BSN: variants seen among roughly 807,000 people sequenced by gnomAD.
The protein encoded by BSN is bassoon presynaptic cytomatrix protein.
In BSN, 57 loss-of-function variants were observed where a neutral mutation model predicts 264.8. The ratio of observed to expected loss-of-function variants is 0.22; its 90% CI spans 0.17 to 0.27. BSN has a LOEUF of 0.27. BSN is among the 10% of genes least tolerant of loss of function. BSN has a pLI of 1.00. For synonymous variants in BSN, 2,059 were observed against 2,137.3 expected, an observed-to-expected ratio of 0.96 and a Z score of 1.01; for missense variants, 4,615 against 5,232.5, an observed-to-expected ratio of 0.88 and a Z score of 3.64.
In BSN at chr3:49,650,993, A is replaced by G; in HGVS notation, c.1900A>G (p.Lys634Glu). ...PETTPTPATP[K>E]VKSGVRRAEP... ...GACTACCCCAACCCCTGCGACTCCTAAAGTAAAGAGTGGGGTGAGGAGGGC... is the reference window on the plus strand; with the variant it reads ...GACTACCCCAACCCCTGCGACTCCTGAAGTAAAGAGTGGGGTGAGGAGGGC... Residue 634 changes from lysine to glutamate, a missense_variant, in exon 4 of 12, where the codon AAA becomes GAA. Lys to Glu is a moderately conservative substitution (Grantham distance 56). This residue lies in a region of BSN where 1,197 missense variants were observed against 1,348.0 expected (regional missense o/e 0.89). Coordinates refer to ENST00000296452, the MANE Select transcript of BSN (RefSeq NM_003458.4). 1 of 1,614,078 alleles carries G rather than the reference A, an allele frequency of 6.2e-7. No homozygotes were observed. The highest frequency in any genetic ancestry group is 1.1e-5 in the South Asian group (1 of 91,078).
chr3:49,577,630 C>G (rs1163026591), intron 1 of BSN, among the ~76,000 whole-genome samples: 2 of 151,824 alleles, frequency 1.3e-5, no homozygotes, highest in Non-Finnish European at 2.9e-5. Context: ...ACCTCCACCT[C>G]CCAGGTTAAA....
At chr3:49,632,565 A>T (rs956417631) in intron 2 of BSN, among the ~76,000 whole-genome samples, 8 of 152,180 alleles carry the variant, frequency 5.3e-5, no homozygotes, top group Non-Finnish European at 5.9e-5. Context: ...GGACTTTGGG[A>T]GGCTCAGGCA....
chr3:49,662,139 G>A lies in BSN; in HGVS notation c.10294G>A (p.Glu3432Lys), dbSNP rs779423890. ...YYGMSSRDAV[E>K]DDRIYGGSSR... ...TGGGATGTCCAGCCGGGACGCAGTG[G>A]AGGACGACCGCATTTATGGCGGGAG... The change falls in exon 6 of 12, where the codon GAG (glutamate) becomes AAG (lysine). Residue 3432 changes from glutamate (E) to lysine (K), a missense_variant. Around this residue, in one of 3 missense-constraint regions of BSN, gnomAD observed 3,415 missense variants for 3,866.4 expected, o/e 0.88. Transcript: ENST00000296452. 4.3e-6 allele frequency: 7 copies of A among 1,613,544 alleles called. No individual in the cohort carries two copies. In the South Asian group the frequency reaches 7.7e-5, roughly 18 times the overall value.
intron 5 of BSN, among the ~76,000 whole-genome samples, chr3:49,659,770 T>TA (rs1482505207): frequency 6.6e-6 from 1 of 152,090 alleles, no homozygotes; most frequent in East Asian, 1.9e-4. Flanking sequence ...GGATAGGACT[T>TA]ACGGGTGCAC....
chr3:49,592,256 C>T (rs142654483), intron 1 of BSN, among the ~76,000 whole-genome samples: 3 of 151,492 alleles, frequency 2.0e-5, no homozygotes, highest in Non-Finnish European at 4.4e-5. Flanking sequence ...ATTACAGGCA[C>T]GCACCACCAT....
At chr3:49,584,498 T>G (rs920002253) in intron 1 of BSN, among the ~76,000 whole-genome samples, 15 of 152,130 alleles carry the variant, frequency 9.9e-5, no homozygotes, top group Non-Finnish European at 2.1e-4. Context: ...TTTCATTTTT[T>G]TGGGCACTTA....
intron 8 of BSN, 22 bp from the exon 9 acceptor site, chr3:49,664,401 A>G: frequency 6.2e-7 from 1 of 1,613,642 alleles, no homozygotes; most frequent in Non-Finnish European, 8.5e-7. Flanking sequence ...ATAGCTCATT[A>G]TGGCGATTTC....
chr3:49,591,214 C>T (rs945282174), intron 1 of BSN, among the ~76,000 whole-genome samples: 2 of 152,190 alleles, frequency 1.3e-5, no homozygotes, highest in Non-Finnish European at 2.9e-5. Context: ...TTCAATACAG[C>T]TTTGTTCCCA....
chr3:49,623,523 A>T (rs1238294819), intron 1 of BSN, among the ~76,000 whole-genome samples: 1 of 152,230 alleles, frequency 6.6e-6, no homozygotes, highest in Admixed American at 6.5e-5. Context: ...ACTACCCAAC[A>T]CTGTTGGCTC....
In BSN at chr3:49,653,047, C is replaced by G; in HGVS notation, c.3491C>G (p.Pro1164Arg). The G allele has an allele frequency of 6.2e-7, 1 of 1,613,584 alleles. No homozygotes were observed. Among genetic ancestry groups the G allele is most frequent in the Non-Finnish European group, 8.5e-7 (1 of 1,180,020 alleles). ...NLPTFMSLYS[P>R]TETPSGSSTT... Reference sequence around the variant, plus strand: ...CCCACCTTCATGTCCCTCTACTCACCAACCGAGACACCCTCCGGCAGCTCC... The same window carrying G: ...CCCACCTTCATGTCCCTCTACTCACGAACCGAGACACCCTCCGGCAGCTCC... The change falls in exon 5 of 12, where the codon CCA becomes CGA. Residue 1164 changes from proline to arginine, a missense_variant. This residue lies in a region of BSN where 3,415 missense variants were observed against 3,866.4 expected (regional missense o/e 0.88). Transcript: ENST00000296452. This position sits in a 1 kb window ranked among gnomAD's most constrained non-coding sequence, Gnocchi z 6.3.
At chr3:49,561,808 T>A (rs1212964674) in intron 1 of BSN, among the ~76,000 whole-genome samples, 2 of 152,112 alleles carry the variant, frequency 1.3e-5, no homozygotes, top group African/African-American at 4.8e-5. Context: ...TTGTTATTTT[T>A]TCTTTTCTTT....
chr3:49,622,796 G>A (rs1321453003), intron 1 of BSN, among the ~76,000 whole-genome samples: 1 of 152,180 alleles, frequency 6.6e-6, no homozygotes, highest in African/African-American at 2.4e-5. Flanking sequence ...AGAAGCCCAG[G>A]TTCCCAGTGT....
At chr3:49,672,187 T>G (rs1013737097), downstream of BSN, among the ~76,000 whole-genome samples, 6 of 152,100 alleles carry the variant, frequency 3.9e-5, no homozygotes, top group African/African-American at 1.4e-4. Flanking sequence ...ATATCCTGTT[T>G]TCTAGCTTTC....
At chr3:49,614,169 C>T (rs900614936) in intron 1 of BSN, among the ~76,000 whole-genome samples, 18 of 148,432 alleles carry the variant, frequency 1.2e-4, no homozygotes, top group African/African-American at 3.7e-4. Context: ...ATGCCATTCT[C>T]CTGTCTCAGC....
intron 1 of BSN, among the ~76,000 whole-genome samples, chr3:49,557,134 A>T (rs987013574): frequency 6.6e-6 from 1 of 152,174 alleles, no homozygotes; most frequent in African/African-American, 2.4e-5. Context: ...GGTGCCTCTT[A>T]GCCCGTCGGG....
Position 49,662,128 on chromosome 3 carries a change from G to C in BSN, c.10283G>C (p.Arg3428Pro). The change falls in exon 6 of 12, where the codon CGG (arginine) becomes CCG (proline). Residue 3428 changes from arginine to proline, a missense_variant. By Grantham distance (103) the Arg-to-Pro change is moderately radical. Around this residue, in one of 3 missense-constraint regions of BSN, gnomAD observed 3,415 missense variants for 3,866.4 expected, o/e 0.88. Transcript: ENST00000296452. ...CAAAAATACTATGGGATGTCCAGCC[G>C]GGACGCAGTGGAGGACGACCGCATT... ...EQQKYYGMSSRDAVEDDRIYG... is the reference protein window; with the variant it reads ...EQQKYYGMSSPDAVEDDRIYG... 1 of 1,613,532 alleles carries C rather than the reference G, an allele frequency of 6.2e-7. No homozygotes were observed. The highest frequency in any genetic ancestry group is 8.5e-7 in the Non-Finnish European group (1 of 1,180,024).
At chr3:49,605,263 AT>A (rs1370838058) in intron 1 of BSN, among the ~76,000 whole-genome samples, 2 of 115,724 alleles carry the variant, frequency 1.7e-5, no homozygotes, top group African/African-American at 3.4e-5. Flanking sequence ...TCTCAAAAAA[AT>A]ATATATATAC....
intron 1 of BSN, among the ~76,000 whole-genome samples, chr3:49,605,309 T>TTATAA (rs2108036428): frequency 1.0e-5 from 1 of 96,410 alleles, no homozygotes; most frequent in South Asian, 2.6e-4. Flanking sequence ...TATTATATAT[T>TTATAA]ATATTATATA....
chr3:49,559,350 T>C (rs2051697409), intron 1 of BSN, among the ~76,000 whole-genome samples: 1 of 152,202 alleles, frequency 6.6e-6, no homozygotes, highest in African/African-American at 2.4e-5. Flanking sequence ...CATCAACTTA[T>C]GGCCAATTGA....
Sources: gnomAD v4.1 joint callset for allele counts (sites outside exome capture counted in the v4.1 genomes callset) on GRCh38, gnomAD v4.1.1 for gene constraint, gnomAD v4.1.1 regional missense constraint, Gnocchi (gnomAD v3.1) non-coding constraint, MANE v1.5 for transcripts, NCBI Gene and HGNC (gene_info 2026-07-23, HGNC 2026-07-21) for gene names.